Variants in TMEM120B observed in about 807,000 individuals in gnomAD.
TMEM120B encodes transmembrane protein 120B.
In TMEM120B, 31 loss-of-function variants were observed where a neutral mutation model predicts 55.5. The ratio of observed to expected loss-of-function variants is 0.56; its 90% CI spans 0.42 to 0.75. The LOEUF is 0.75. Among genes scored for constraint, TMEM120B ranks in the 30% least tolerant of loss-of-function variants. TMEM120B has a pLI of 0.00. For missense variants in TMEM120B, 399 were observed against 425.5 expected (o/e 0.94, Z 0.55); for synonymous variants, 203 against 176.3 (o/e 1.15, Z -1.20).
intron 4 of TMEM120B, among the ~76,000 whole-genome samples, chr12:121,750,853 TACCCAC>T (rs1873272682): frequency 7.2e-5 from 2 of 27,810 alleles, no homozygotes; most frequent in Non-Finnish European, 1.4e-4. Flanking sequence ...CCACACCCCA[TACCCAC>T]ACCCCACACC....
At position 121,780,372 on chromosome 12, in the gene TMEM120B, T is replaced by G. The variant is rs1874405681; in HGVS notation, c.*4650T>G. ...TATGCCCGGCCGGATTTGCCCTTAT[T>G]AATGGTTATTTCTTGTGAAAGTTTC... On this transcript the variant is annotated 3_prime_UTR_variant, in exon 12 of 12. Coordinates refer to ENST00000449592, the MANE Select transcript of TMEM120B (RefSeq NM_001080825.2). The G allele has an allele frequency of 5.9e-6, 1 of 170,834 alleles. No homozygotes were observed. 10.6% of individuals were successfully genotyped at this position (170,834 alleles called of 1,614,324 possible). A position where few individuals can be genotyped will look rare whatever the true frequency, so the allele number is the denominator to read the frequency against.
Position 121,742,288 on chromosome 12 carries a change from C to T in TMEM120B, c.70-1341C>T, listed in dbSNP as rs555514350. Among the ~76,000 whole-genome samples, 18 of 151,540 alleles carry T rather than the reference C, an allele frequency of 1.2e-4. No homozygotes were observed. In the South Asian group the frequency reaches 3.1e-3, roughly 26 times the overall value. On this transcript the variant is annotated intron_variant, in intron 1 of 11. Coordinates refer to ENST00000449592, the MANE Select transcript of TMEM120B (RefSeq NM_001080825.2). ...AAAGTGCTGGGATTACAGACGTGAG[C>T]CACCGTGCCCGGCCTGACTTAATTT...
At chr12:121,734,312 G>A (rs1895062693) in intron 1 of TMEM120B, among the ~76,000 whole-genome samples, 2 of 152,008 alleles carry the variant, frequency 1.3e-5, no homozygotes, top group Admixed American at 1.3e-4. Flanking sequence ...AGGCTGGAGT[G>A]CAATGGCATG....
intron 6 of TMEM120B, among the ~76,000 whole-genome samples, chr12:121,767,138 C>T (rs1476980767): frequency 2.6e-5 from 4 of 151,886 alleles, no homozygotes; most frequent in African/African-American, 4.8e-5. Context: ...AAAAAAAGGC[C>T]GTGAGCTCCT....
intron 4 of TMEM120B, 95 bp downstream of exon 4, chr12:121,750,534 AC>A: frequency 7.3e-6 from 6 of 824,576 alleles, no homozygotes; most frequent in Non-Finnish European, 9.3e-6. Flanking sequence ...CCCACACCCC[AC>A]ATCCACACCC....
At chr12:121,770,599 G>A (rs1423691234) in intron 6 of TMEM120B, among the ~76,000 whole-genome samples, 1 of 151,954 alleles carries the variant, frequency 6.6e-6, no homozygotes. Context: ...GTGCTGGGGA[G>A]AGGACCAGGT....
chr12:121,748,842 T>G (rs1873184862), intron 3 of TMEM120B, among the ~76,000 whole-genome samples: 1 of 152,192 alleles, frequency 6.6e-6, no homozygotes, highest in Non-Finnish European at 1.5e-5. Context: ...GAGATGCCCA[T>G]TTTTACAAGA....
At chr12:121,745,745 C>T (rs986538780) in intron 2 of TMEM120B, among the ~76,000 whole-genome samples, 3 of 150,026 alleles carry the variant, frequency 2.0e-5, no homozygotes, top group Non-Finnish European at 4.5e-5. Flanking sequence ...AGTGCAGTGG[C>T]GCAATCACGG....
intron 9 of TMEM120B, 61 bp downstream of exon 9, chr12:121,773,574 CG>C (rs1874134964): frequency 7.5e-7 from 1 of 1,330,952 alleles, no homozygotes; most frequent in Non-Finnish European, 1.0e-6. Context: ...CTCCCCACAC[CG>C]GGAGTGCAGC....
intron 1 of TMEM120B, among the ~76,000 whole-genome samples, chr12:121,739,367 G>A (rs888728124): frequency 6.6e-6 from 1 of 152,076 alleles, no homozygotes; most frequent in Non-Finnish European, 1.5e-5. Context: ...AATTTGAGTG[G>A]TATATGAGGC....
At chr12:121,741,472 G>A (rs1302444592) in intron 1 of TMEM120B, among the ~76,000 whole-genome samples, 1 of 152,130 alleles carries the variant, frequency 6.6e-6, no homozygotes, top group African/African-American at 2.4e-5. Context: ...TGGGATTACA[G>A]GCATGTGCCA....
At chr12:121,732,026 A>G (rs970174422) in intron 1 of TMEM120B, among the ~76,000 whole-genome samples, 3 of 152,130 alleles carry the variant, frequency 2.0e-5, no homozygotes, top group Admixed American at 1.3e-4. Context: ...AGCCCCAGCT[A>G]CTCGGGAGGC....
rs1457277243 is a variant in TMEM120B, at chr12:121,750,283, G to A, written c.306-97G>A. ...TTAGGCCCCCTATCTTCTAACATCA[G>A]TGCTTGGGATGTGCTCATTAAGTGT... On this transcript the variant is annotated intron_variant, in intron 3 of 11. Coordinates refer to ENST00000449592, the MANE Select transcript of TMEM120B (RefSeq NM_001080825.2). 9 of 1,175,640 alleles carry A rather than the reference G, an allele frequency of 7.7e-6. No individual in the cohort carries two copies. In the South Asian group the frequency reaches 1.1e-4, roughly 15 times the overall value. The allele number at this position is 1,175,640 out of a possible 1,614,324, so 72.8% of individuals were successfully genotyped here.
At chr12:121,723,509 A>G (rs907934948) in intron 1 of TMEM120B, among the ~76,000 whole-genome samples, 17 of 152,120 alleles carry the variant, frequency 1.1e-4, no homozygotes, top group African/African-American at 4.1e-4. Flanking sequence ...GCTGCCAGTG[A>G]GGAGCTGTAG....
In TMEM120B at chr12:121,781,509, G is replaced by A. The variant is rs1006708140; in HGVS notation, c.*5787G>A. On this transcript the variant is annotated 3_prime_UTR_variant, in exon 12 of 12. Transcript: ENST00000449592. ...CCATGAGCGGCAGCCCCCCAGTCCT[G>A]GATGGTGGTAAAGAATCCTCAAGAT... The A allele has an allele frequency of 2.2e-5, 7 of 318,708 alleles. No homozygotes were observed. The highest frequency in any genetic ancestry group is 1.3e-4 in the African/African-American group (6 of 46,782). 19.7% of individuals were successfully genotyped at this position (318,708 alleles called of 1,614,324 possible). A position where few individuals can be genotyped will look rare whatever the true frequency, so the allele number is the denominator to read the frequency against.
Position 121,781,083 on chromosome 12 carries a change from C to T in TMEM120B, c.*5361C>T. On this transcript the variant is annotated 3_prime_UTR_variant, in exon 12 of 12. Coordinates refer to ENST00000449592, the MANE Select transcript of TMEM120B (RefSeq NM_001080825.2). Reference sequence around the variant, plus strand: ...CCACCACCCAGGAGGCCGGCCTCACCTTGATGAGGACGTTGTCGTAGCTGG... The same window carrying T: ...CCACCACCCAGGAGGCCGGCCTCACTTTGATGAGGACGTTGTCGTAGCTGG... The T allele has an allele frequency of 6.2e-7, 1 of 1,614,178 alleles. No homozygotes were observed. Among genetic ancestry groups the T allele is most frequent in the Non-Finnish European group, 8.5e-7 (1 of 1,180,012 alleles).
chr12:121,730,512 A>T (rs2137043473), intron 1 of TMEM120B, among the ~76,000 whole-genome samples: 1 of 151,268 alleles, frequency 6.6e-6, no homozygotes, highest in East Asian at 1.9e-4. Flanking sequence ...TTAGCTGGGC[A>T]TGATACTGCA....
intron 5 of TMEM120B, chr12:121,758,071 A>T (rs1373736013): frequency 2.8e-6 from 2 of 707,998 alleles, no homozygotes; most frequent in African/African-American, 3.9e-5. Context: ...GTGGGCCATG[A>T]TCACGTCACT....
chr12:121,746,535 GT>G (rs1873089124), intron 2 of TMEM120B, among the ~76,000 whole-genome samples: 1 of 151,942 alleles, frequency 6.6e-6, no homozygotes, highest in East Asian at 1.9e-4. Flanking sequence ...GTCTTGCTAT[GT>G]TAGTCAGGCT....
Sources: allele counts gnomAD v4.1 joint callset (sites outside exome capture counted in the v4.1 genomes callset), GRCh38; gene constraint gnomAD v4.1.1; transcripts MANE v1.5; gene names NCBI Gene and HGNC (gene_info 2026-07-23, HGNC 2026-07-21).